CLVS1: variants seen among roughly 807,000 people sequenced by gnomAD.
CLVS1 encodes the protein clavesin 1, also known as clavesin-1.
Under a neutral mutation model 33.1 loss-of-function variants are expected in CLVS1, and 10 were observed. That is an observed-to-expected ratio of 0.30 (90% CI 0.19 to 0.51). The LOEUF is 0.51. CLVS1 is among the 20% of genes least tolerant of loss of function. The probability of loss-of-function intolerance (pLI) is 0.97; values close to 1 mark genes in which losing one functional copy is unlikely to be tolerated. For synonymous variants in CLVS1, 163 were observed against 166.1 expected (o/e 0.98, Z 0.14); for missense variants, 343 against 433.4 (o/e 0.79, Z 1.85).
At chr8:61,003,245 T>C in the CLVS1 span, among the ~76,000 whole-genome samples, 55 of 152,234 alleles carry the variant, frequency 3.6e-4, no homozygotes, top group Non-Finnish European at 6.3e-4. Flanking sequence ...TTTCAAGGAT[T>C]AGAGAGAACA....
intron 3 of CLVS1, among the ~76,000 whole-genome samples, chr8:61,409,210 T>C (rs4147444): frequency 0.67 from 101,313 of 152,054 alleles, 34,712 homozygotes; most frequent in Non-Finnish European, 0.75. Context: ...TAAATCAAAA[T>C]GATATAAAGA....
rs377203690 is a variant in CLVS1 at position 61,221,354 on chromosome 8, T to G, written c.-151-78323T>G. Among the ~76,000 whole-genome samples the G allele has an allele frequency of 5.3e-5, 8 of 152,336 alleles. No homozygotes were observed. In the South Asian group the frequency reaches 1.7e-3, roughly 32 times the overall value. On this transcript the variant is annotated intron_variant, in intron 2 of 2. Coordinates refer to the CLVS1 transcript ENST00000522621. The stretch of plus-strand genomic sequence containing the variant: ...ATAGATCCTATTATTTTGAGATATA[T>G]TCCATCAATACCTAGTCCATTGAGA...
At chr8:61,122,569 AACACACACACACACAC>A (rs4033855) in intron 1 of CLVS1, among the ~76,000 whole-genome samples, 13 of 144,532 alleles carry the variant, frequency 9.0e-5, no homozygotes, top group East Asian at 2.0e-4. Flanking sequence ...ATATTAAGAA[AACACACACACACACAC>A]ACACACACAC....
intron 2 of CLVS1, among the ~76,000 whole-genome samples, chr8:61,273,690 G>A (rs972553575): frequency 1.3e-5 from 2 of 152,210 alleles, no homozygotes; most frequent in East Asian, 1.9e-4. Flanking sequence ...ATATAATCTC[G>A]TGGTGCGCCG....
chr8:61,044,086 C>A, the CLVS1 span, among the ~76,000 whole-genome samples: 2 of 152,054 alleles, frequency 1.3e-5, no homozygotes, highest in Non-Finnish European at 2.9e-5. Flanking sequence ...TGGAGTTGGA[C>A]CTGAAGCAAG....
At chr8:61,131,088 G>A (rs1001481826) in intron 1 of CLVS1, among the ~76,000 whole-genome samples, 2 of 152,198 alleles carry the variant, frequency 1.3e-5, no homozygotes, top group African/African-American at 2.4e-5. Context: ...TCATGTGCCT[G>A]AGCCTCAGTG....
In CLVS1 at chr8:61,165,220, A is replaced by G. The variant is rs571635202; in HGVS notation, c.-152+33360A>G. On this transcript the variant is annotated intron_variant, in intron 2 of 2. Transcript: ENST00000522621. Reference sequence around the variant, plus strand: ...CACCCTGCTGGATCCGGAAGAATGGAAGTCAGCGGCGGGTCTGCGACAGTG... The same window carrying G: ...CACCCTGCTGGATCCGGAAGAATGGGAGTCAGCGGCGGGTCTGCGACAGTG... 5.9e-5 allele frequency among the ~76,000 whole-genome samples: 9 copies of G among 152,356 alleles called. No homozygotes were observed. The East Asian group carries it at 1.7e-3, about 29-fold the overall frequency.
intron 2 of CLVS1, among the ~76,000 whole-genome samples, chr8:61,369,372 A>T (rs1002443957): frequency 2.0e-5 from 3 of 152,202 alleles, no homozygotes. Flanking sequence ...GCTTAGGAGC[A>T]TGATGGCACA....
intron 1 of CLVS1, among the ~76,000 whole-genome samples, chr8:61,057,415 C>CT (rs1563387168): frequency 2.8e-4 from 41 of 147,776 alleles, no homozygotes; most frequent in African/African-American, 9.5e-4. Context: ...CACACACACC[C>CT]CATCCAAGGA....
intron 5 of CLVS1, among the ~76,000 whole-genome samples, chr8:61,465,961 C>A (rs1404931883): frequency 6.6e-6 from 1 of 152,184 alleles, no homozygotes; most frequent in East Asian, 1.9e-4. Flanking sequence ...CCATGCCTGG[C>A]CTTATTCCTT....
chr8:61,034,366 TATC>T, the CLVS1 span, among the ~76,000 whole-genome samples: 1 of 94,682 alleles, frequency 1.1e-5, no homozygotes, highest in Non-Finnish European at 2.6e-5. Context: ...CTCAAATACT[TATC>T]ATTTTTTTTT....
At chr8:61,369,312 A>G (rs16927201) in intron 2 of CLVS1, among the ~76,000 whole-genome samples, 90,697 of 152,034 alleles carry the variant, frequency 0.6, 30,816 homozygotes, top group Non-Finnish European at 0.75. Context: ...TCAGAACACA[A>G]TTTTTTTTCT....
chr8:61,000,458 G>A, the CLVS1 span, among the ~76,000 whole-genome samples: 1 of 152,210 alleles, frequency 6.6e-6, no homozygotes, highest in Admixed American at 6.5e-5. Flanking sequence ...TGTTGCTGCT[G>A]ACGGGTTCAA....
chr8:61,239,045 C>G (rs776493344), intron 2 of CLVS1, among the ~76,000 whole-genome samples: 26 of 152,228 alleles, frequency 1.7e-4, no homozygotes, highest in Non-Finnish European at 3.1e-4. Context: ...TCTGCCACTT[C>G]AGCATTTTAC....
At chr8:61,303,895 T>G (rs1051162448) in intron 2 of CLVS1, among the ~76,000 whole-genome samples, 1 of 152,248 alleles carries the variant, frequency 6.6e-6, no homozygotes, top group Non-Finnish European at 1.5e-5. Flanking sequence ...CTATGAAAGA[T>G]TCTATGTAAA....
chr8:61,210,760 T>C (rs1228840135), intron 2 of CLVS1, among the ~76,000 whole-genome samples: 1 of 152,200 alleles, frequency 6.6e-6, no homozygotes, highest in Non-Finnish European at 1.5e-5. Flanking sequence ...AAATGTATGC[T>C]GCTATATTTG....
chr8:61,173,774 G>A (rs2129299016), intron 2 of CLVS1, among the ~76,000 whole-genome samples: 1 of 152,272 alleles, frequency 6.6e-6, no homozygotes, highest in African/African-American at 2.4e-5. Context: ...AGGAAACTTT[G>A]GATATGTTCA....
At chr8:61,233,285 C>G (rs1049777076) in intron 2 of CLVS1, among the ~76,000 whole-genome samples, 1 of 152,156 alleles carries the variant, frequency 6.6e-6, no homozygotes, top group Non-Finnish European at 1.5e-5. Flanking sequence ...TCGACACATT[C>G]TGAACACCCT....
intron 3 of CLVS1, among the ~76,000 whole-genome samples, chr8:61,436,845 T>C (rs575651698): frequency 2.0e-5 from 3 of 152,136 alleles, no homozygotes; most frequent in East Asian, 1.9e-4. Context: ...GAACTGACAA[T>C]AGATAGATTA....
Sources: gnomAD v4.1 joint callset for allele counts (sites outside exome capture counted in the v4.1 genomes callset) on GRCh38, gnomAD v4.1.1 for gene constraint, MANE v1.5 for transcripts, NCBI Gene and HGNC (gene_info 2026-07-23, HGNC 2026-07-21) for gene names.